IGF1R: variants seen among roughly 807,000 people sequenced by gnomAD.
The protein encoded by IGF1R is insulin like growth factor 1 receptor.
A neutral mutation model predicts 144.6 loss-of-function variants in IGF1R; 44 were observed. The ratio of observed to expected loss-of-function variants is 0.30; its 90% CI spans 0.24 to 0.39. The LOEUF (loss-of-function observed/expected upper bound fraction) is 0.39, where lower values mean the gene tolerates loss of function less well. Ranked by LOEUF, IGF1R falls within the 10% of genes least tolerant of loss-of-function variation. The probability of loss-of-function intolerance (pLI) is 1.00; values close to 1 mark genes in which losing one functional copy is unlikely to be tolerated. For synonymous variants in IGF1R, 795 were observed against 722.8 expected (o/e 1.10, Z -1.60); for missense variants, 1,355 against 1,833.7 (o/e 0.74, Z 4.77).
chr15:98,713,060 G>T (rs926874915), intron 2 of IGF1R, among the ~76,000 whole-genome samples: 1 of 151,612 alleles, frequency 6.6e-6, no homozygotes, highest in Non-Finnish European at 1.5e-5. Context: ...ACTCCCTCCC[G>T]CCTGCCTGCT....
intron 2 of IGF1R, among the ~76,000 whole-genome samples, chr15:98,739,015 C>T (rs1448220678): frequency 6.6e-6 from 1 of 152,162 alleles, no homozygotes; most frequent in Non-Finnish European, 1.5e-5. Context: ...GTCTGAGTGA[C>T]ATCTTGCCTT....
At chr15:98,806,336 G>A (rs759152554) in intron 2 of IGF1R, among the ~76,000 whole-genome samples, 8 of 152,156 alleles carry the variant, frequency 5.3e-5, no homozygotes, top group Non-Finnish European at 1.0e-4. Context: ...TAAGCCAGCC[G>A]AGGGCGCACG....
intron 2 of IGF1R, among the ~76,000 whole-genome samples, chr15:98,811,843 A>G (rs772722132): frequency 5.9e-5 from 9 of 151,488 alleles, no homozygotes; most frequent in East Asian, 3.9e-4. Flanking sequence ...GGAGAATGGC[A>G]TGAGCCCGGG....
In IGF1R at chr15:98,707,669, G is replaced by A. The variant is rs757195696; in HGVS notation, c.202G>A (p.Glu68Lys). ...YLHILLISKA[E>K]DYRSYRFPKL... Reference sequence around the variant, plus strand: ...CCACATCCTGCTCATCTCCAAGGCCGAGGACTACCGCAGCTACCGCTTCCC... The same window carrying A: ...CCACATCCTGCTCATCTCCAAGGCCAAGGACTACCGCAGCTACCGCTTCCC... The change falls in exon 2 of 21, where the codon GAG (glutamate) becomes AAG (lysine). Residue 68 changes from glutamate to lysine, a missense_variant. Glu to Lys is a moderately conservative substitution (Grantham distance 56, BLOSUM62 1). Around this residue, in one of 7 missense-constraint regions of IGF1R, gnomAD observed 75 missense variants for 160.0 expected, o/e 0.47. Coordinates refer to ENST00000650285, the MANE Select transcript of IGF1R (RefSeq NM_000875.5). This position sits in a 1 kb window ranked among gnomAD's most constrained non-coding sequence, Gnocchi z 6.7. 1.2e-6 allele frequency: 2 copies of A among 1,613,996 alleles called. No individual in the cohort carries two copies. Among genetic ancestry groups the A allele is most frequent in the South Asian group, 1.1e-5 (1 of 91,086 alleles).
intron 2 of IGF1R, among the ~76,000 whole-genome samples, chr15:98,729,610 G>GT (rs2054451059): frequency 1.3e-5 from 2 of 149,398 alleles, no homozygotes; most frequent in South Asian, 4.2e-4. Flanking sequence ...TTGTCCTTCA[G>GT]TGAGAGCAGG....
intron 5 of IGF1R, among the ~76,000 whole-genome samples, chr15:98,908,036 G>A (rs1265836155): frequency 6.6e-6 from 1 of 152,264 alleles, no homozygotes; most frequent in East Asian, 1.9e-4. Flanking sequence ...GAGAACCACT[G>A]TGTTGGACTC....
chr15:98,718,934 G>GCTT (rs2054184195), intron 2 of IGF1R, among the ~76,000 whole-genome samples: 3 of 151,050 alleles, frequency 2.0e-5, no homozygotes, highest in Non-Finnish European at 2.9e-5. Context: ...GAAAAGACCA[G>GCTT]CTTTGTTCCT....
At chr15:98,929,928 G>C (rs927474877) in intron 14 of IGF1R, among the ~76,000 whole-genome samples, 2 of 152,188 alleles carry the variant, frequency 1.3e-5, no homozygotes, top group Non-Finnish European at 2.9e-5. Flanking sequence ...TTCCAAACGC[G>C]ATGCGCTAGC....
At chr15:98,768,146 T>C (rs1469885403) in intron 2 of IGF1R, among the ~76,000 whole-genome samples, 3 of 152,194 alleles carry the variant, frequency 2.0e-5, no homozygotes, top group Non-Finnish European at 4.4e-5. Context: ...TCCACAGTTC[T>C]GTTCTCATGT....
chr15:98,658,755 A>G (rs1461343214), intron 1 of IGF1R, among the ~76,000 whole-genome samples: 2 of 152,066 alleles, frequency 1.3e-5, no homozygotes, highest in African/African-American at 2.4e-5. Flanking sequence ...ACTCCTTTTG[A>G]GTTCATAACC....
rs368811240 is a variant in IGF1R at position 98,855,289 on chromosome 15, G to T, written c.641-36036G>T. On this transcript the variant is annotated intron_variant, in intron 2 of 20. Coordinates refer to ENST00000650285, the MANE Select transcript of IGF1R (RefSeq NM_000875.5). ...GACTCCACTTCAGCGCTCTCAGCCA[G>T]CGTGGGCACCTCGGACCCAGACAGA... Among the ~76,000 whole-genome samples, 8 of 152,340 alleles carry T rather than the reference G, an allele frequency of 5.3e-5. No individual in the cohort carries two copies. In the East Asian group the frequency reaches 1.3e-3, roughly 26 times the overall value.
At chr15:98,750,848 G>A (rs772940390) in intron 2 of IGF1R, among the ~76,000 whole-genome samples, 8 of 152,158 alleles carry the variant, frequency 5.3e-5, no homozygotes, top group East Asian at 3.9e-4. Flanking sequence ...GTGCAATGGC[G>A]TGATCACTAC....
chr15:98,701,345 T>G (rs2053727871), intron 1 of IGF1R, among the ~76,000 whole-genome samples: 1 of 120,240 alleles, frequency 8.3e-6, no homozygotes, highest in Non-Finnish European at 1.7e-5. Flanking sequence ...TTTTTTTTTT[T>G]TTTTTTTTTG....
Position 98,891,479 on chromosome 15 carries a change from G to T in IGF1R, c.795G>T (p.Pro265=), listed in dbSNP as rs565401892. Residue 265 remains proline, a synonymous_variant, in exon 3 of 21, where the codon CCG becomes CCT. Transcript: ENST00000650285. This position sits in a 1 kb window ranked among gnomAD's most constrained non-coding sequence, Gnocchi z 4.7. ...CCGGTGTCTGTGTGCCTGCCTGCCCGCCCAACACCTACAGGTTTGAGGGCT... is the reference window on the plus strand; with the variant it reads ...CCGGTGTCTGTGTGCCTGCCTGCCCTCCCAACACCTACAGGTTTGAGGGCT... The part of the protein sequence containing the change: ...YYAGVCVPAC[P]PNTYRFEGWR... 6.1e-5 allele frequency: 98 copies of T among 1,614,062 alleles called. No individual in the cohort carries two copies. In the South Asian group the frequency reaches 1.0e-3, roughly 17 times the overall value.
chr15:98,932,951 G>T (rs1341099754), intron 15 of IGF1R, among the ~76,000 whole-genome samples: 1 of 152,244 alleles, frequency 6.6e-6, no homozygotes, highest in Non-Finnish European at 1.5e-5. Flanking sequence ...ATCACTTAAA[G>T]GTTGATAGTT....
At position 98,961,107 on chromosome 15, in the gene IGF1R, C is replaced by T. The variant is rs900280349; in HGVS notation, c.*3665C>T. 1.9e-4 allele frequency: 44 copies of T among 233,390 alleles called. No homozygotes were observed. Among genetic ancestry groups the T allele is most frequent in the African/African-American group, 9.0e-4 (41 of 45,338 alleles). 14.5% of individuals were successfully genotyped at this position (233,390 alleles called of 1,614,324 possible). On this transcript the variant is annotated 3_prime_UTR_variant, in exon 21 of 21. Coordinates refer to ENST00000650285, the MANE Select transcript of IGF1R (RefSeq NM_000875.5). ...CGCTCAGGAGCCTCCTGCTGGAACG[C>T]GACCCATCTCTCCCAGGACCCCGGG...
At chr15:98,703,566 C>T (rs1484021286) in intron 1 of IGF1R, among the ~76,000 whole-genome samples, 2 of 152,214 alleles carry the variant, frequency 1.3e-5, no homozygotes, top group Non-Finnish European at 2.9e-5. Flanking sequence ...GTCTTTTCTT[C>T]CAGAGTAAGT....
At position 98,703,365 on chromosome 15, in the gene IGF1R, C is replaced by T. The variant is rs74685668; in HGVS notation, c.95-4197C>T. On this transcript the variant is annotated intron_variant, in intron 1 of 20. Transcript: ENST00000650285. ...CGGTGCATGAATTATTTCATGGCAC[C>T]AGTGGAGCATATTTTCTTCTCTTTC... Among the ~76,000 whole-genome samples, 455 of 152,266 alleles carry T rather than the reference C, an allele frequency of 3.0e-3. 4 individuals are homozygous for T. The highest frequency in any genetic ancestry group is 0.01 in the African/African-American group (431 of 41,550).
intron 2 of IGF1R, among the ~76,000 whole-genome samples, chr15:98,799,768 G>T (rs1339316817): frequency 6.6e-6 from 1 of 152,066 alleles, no homozygotes; most frequent in Non-Finnish European, 1.5e-5. Flanking sequence ...GTTAAATTTG[G>T]TATTTTCTAG....
Sources: gnomAD v4.1 joint callset for allele counts (sites outside exome capture counted in the v4.1 genomes callset) on GRCh38, gnomAD v4.1.1 for gene constraint, gnomAD v4.1.1 regional missense constraint, Gnocchi (gnomAD v3.1) non-coding constraint, MANE v1.5 for transcripts, NCBI Gene and HGNC (gene_info 2026-07-23, HGNC 2026-07-21) for gene names.